PCMT1: variants seen among roughly 807,000 people sequenced by gnomAD.
PCMT1 encodes the protein protein-L-isoaspartate (D-aspartate) O-methyltransferase.
In PCMT1, 9 loss-of-function variants were observed where a neutral mutation model predicts 29.2. That is an observed-to-expected ratio of 0.31 (90% CI 0.19 to 0.54). The LOEUF is 0.54. Among genes scored for constraint, PCMT1 ranks in the 20% least tolerant of loss-of-function variants. The pLI, the probability that PCMT1 is intolerant of heterozygous loss-of-function variation, is 0.95. For synonymous variants in PCMT1, 98 were observed against 97.5 expected, an observed-to-expected ratio of 1.00 and a Z score of -0.03; for missense variants, 184 against 282.2, an observed-to-expected ratio of 0.65 and a Z score of 2.49.
At chr6:149,796,275 C>T in intron 5 of PCMT1, 140 bp from the exon 6 acceptor site, 1 of 501,458 alleles carries the variant, frequency 2.0e-6, no homozygotes, top group Non-Finnish European at 3.6e-6. Context: ...TTAAAAACAG[C>T]AAAAAAGTGA....
In PCMT1 at chr6:149,811,152, C is replaced by T. The variant is rs558719308; in HGVS notation, c.*574C>T. 3.3e-5 allele frequency: 5 copies of T among 152,752 alleles called. No individual in the cohort carries two copies. Among genetic ancestry groups the T allele is most frequent in the African/African-American group, 9.6e-5 (4 of 41,552 alleles). 9.5% of individuals were successfully genotyped at this position (152,752 alleles called of 1,614,324 possible). A position where few individuals can be genotyped will look rare whatever the true frequency, so the allele number is the denominator to read the frequency against. On this transcript the variant is annotated 3_prime_UTR_variant, in exon 8 of 8. Transcript: ENST00000464889. ...TAGATACAATCAGCTGCTTTGTTAC[C>T]TTAAAACTAGGCATTTGTAAATATT...
chr6:149,807,469 C>T (rs1419622316), intron 7 of PCMT1, among the ~76,000 whole-genome samples: 1 of 152,144 alleles, frequency 6.6e-6, no homozygotes, highest in East Asian at 1.9e-4. Context: ...CTCCTGGGTT[C>T]AAGTGATTCT....
chr6:149,799,892 T>C (rs1392162927), intron 6 of PCMT1, among the ~76,000 whole-genome samples: 2 of 152,198 alleles, frequency 1.3e-5, no homozygotes, highest in Non-Finnish European at 2.9e-5. Flanking sequence ...GAAATGATTT[T>C]AATAAAAAAT....
intron 4 of PCMT1, 96 bp downstream of exon 4, chr6:149,790,154 T>G (rs962214791): frequency 1.4e-6 from 1 of 734,966 alleles, no homozygotes. Flanking sequence ...TTTATTTGTT[T>G]GTTAATTCTA....
chr6:149,798,742 A>G (rs1402810743), intron 6 of PCMT1, among the ~76,000 whole-genome samples: 1 of 152,212 alleles, frequency 6.6e-6, no homozygotes, highest in Non-Finnish European at 1.5e-5. Context: ...TAAAGAGACT[A>G]CAGAGTGAAA....
intron 2 of PCMT1, among the ~76,000 whole-genome samples, chr6:149,771,494 T>C (rs1787320508): frequency 1.3e-5 from 2 of 152,226 alleles, no homozygotes; most frequent in Admixed American, 6.5e-5. Flanking sequence ...AAAAACATTT[T>C]TTGAAATAAA....
chr6:149,784,542 C>T lies in PCMT1; in HGVS notation c.193-5412C>T, dbSNP rs539416387. ...CTGGAATGTAGTAGCGCAATCTCAG[C>T]TCACTGCGGCCTGCTGGGCTCAAAT... On this transcript the variant is annotated intron_variant, in intron 3 of 7. Transcript: ENST00000464889. Among the ~76,000 whole-genome samples, 3 of 151,920 alleles carry T rather than the reference C, an allele frequency of 2.0e-5. No individual in the cohort carries two copies. The East Asian group carries it at 5.8e-4, about 29-fold the overall frequency.
chr6:149,757,277 A>G (rs935599696), intron 1 of PCMT1, among the ~76,000 whole-genome samples: 1 of 152,204 alleles, frequency 6.6e-6, no homozygotes, highest in Non-Finnish European at 1.5e-5. Flanking sequence ...TAGAGAATAG[A>G]TCTGCCATCA....
intron 7 of PCMT1, among the ~76,000 whole-genome samples, chr6:149,809,718 G>A (rs1214472993): frequency 2.6e-5 from 4 of 152,030 alleles, no homozygotes; most frequent in African/African-American, 7.3e-5. Flanking sequence ...TGCTAGGATA[G>A]TACAAATAAC....
rs534387750 is a variant in PCMT1, at chr6:149,792,004, G to A, written c.298-1545G>A. Among the ~76,000 whole-genome samples the A allele has an allele frequency of 2.6e-5, 4 of 152,278 alleles. No homozygotes were observed. The South Asian group carries it at 8.3e-4, about 32-fold the overall frequency. ...GCCTTTTTCCTCCCCATTTTGTACTGAGGAACCTGATTCATACAAGGAATG... is the reference window on the plus strand; with the variant it reads ...GCCTTTTTCCTCCCCATTTTGTACTAAGGAACCTGATTCATACAAGGAATG... On this transcript the variant is annotated intron_variant, in intron 4 of 7. Coordinates refer to ENST00000464889, the MANE Select transcript of PCMT1 (RefSeq NM_001360452.2).
At chr6:149,772,487 AC>A in intron 2 of PCMT1, 2 of 420,358 alleles carry the variant, frequency 4.8e-6, no homozygotes, top group Non-Finnish European at 9.3e-6. Flanking sequence ...TTTTTAAAAA[AC>A]AATCTGAAGT....
chr6:149,809,513 A>G (rs1293942415), intron 7 of PCMT1, among the ~76,000 whole-genome samples: 1 of 152,116 alleles, frequency 6.6e-6, no homozygotes, highest in African/African-American at 2.4e-5. Context: ...ATACTATAGG[A>G]TAAAGGCAGC....
intron 3 of PCMT1, among the ~76,000 whole-genome samples, chr6:149,789,229 C>T (rs933822774): frequency 6.6e-6 from 1 of 152,044 alleles, no homozygotes; most frequent in Admixed American, 6.6e-5. Context: ...GTGGCTGCCA[C>T]CATGCCCAGC....
At chr6:149,793,199 C>T (rs920045239) in intron 4 of PCMT1, among the ~76,000 whole-genome samples, 78 of 150,564 alleles carry the variant, frequency 5.2e-4, no homozygotes, top group Non-Finnish European at 1.0e-3. Flanking sequence ...CTGTCAAATT[C>T]TTTATGTAAC....
chr6:149,759,164 C>G (rs759328814), intron 1 of PCMT1, among the ~76,000 whole-genome samples: 1 of 151,876 alleles, frequency 6.6e-6, no homozygotes. Flanking sequence ...CGTGAGCCAC[C>G]GCGCCCGGCC....
At chr6:149,751,476 CTTT>C (rs76128652) in intron 1 of PCMT1, among the ~76,000 whole-genome samples, 1 of 116,558 alleles carries the variant, frequency 8.6e-6, no homozygotes. Flanking sequence ...ATGGTTGGTA[CTTT>C]TTTTTTTTTT....
intron 1 of PCMT1, among the ~76,000 whole-genome samples, chr6:149,766,425 G>A (rs1787088166): frequency 6.6e-6 from 1 of 152,176 alleles, no homozygotes; most frequent in South Asian, 2.1e-4. Context: ...TGAGGTATAA[G>A]TTATATAAAA....
At chr6:149,766,363 G>C (rs1365263587) in intron 1 of PCMT1, among the ~76,000 whole-genome samples, 1 of 152,138 alleles carries the variant, frequency 6.6e-6, no homozygotes, top group East Asian at 1.9e-4. Context: ...TTGAAGGACA[G>C]CTTGGCTGGG....
At chr6:149,771,342 G>A (rs1787313833) in intron 2 of PCMT1, 76 bp downstream of exon 2, 3 of 865,328 alleles carry the variant, frequency 3.5e-6, no homozygotes, top group Admixed American at 2.2e-5. Flanking sequence ...AAAAGCCTGG[G>A]ACACAGATAT....
Sources: gnomAD v4.1 joint callset for allele counts (sites outside exome capture counted in the v4.1 genomes callset) on GRCh38, gnomAD v4.1.1 for gene constraint, MANE v1.5 for transcripts, NCBI Gene and HGNC (gene_info 2026-07-23, HGNC 2026-07-21) for gene names.